EXT1: variants seen among roughly 807,000 people sequenced by gnomAD.
EXT1 encodes exostosin-1.
In EXT1, 20 loss-of-function variants were observed where a neutral mutation model predicts 82.5. The ratio of observed to expected loss-of-function variants is 0.24; its 90% confidence interval spans 0.17 to 0.35. EXT1 has a LOEUF of 0.35. Ranked by LOEUF, EXT1 falls within the 10% of genes least tolerant of loss-of-function variation. The probability of loss-of-function intolerance (pLI) is 1.00; values close to 1 mark genes in which losing one functional copy is unlikely to be tolerated. For synonymous variants in EXT1, 348 were observed against 350.8 expected, an observed-to-expected ratio of 0.99 and a Z score of 0.09; for missense variants, 757 against 936.5, an observed-to-expected ratio of 0.81 and a Z score of 2.50.
intron 1 of EXT1, among the ~76,000 whole-genome samples, chr8:117,894,086 A>C (rs1415641752): frequency 6.6e-6 from 1 of 152,116 alleles, no homozygotes; most frequent in African/African-American, 2.4e-5. Context: ...CCACTTGTTC[A>C]AGTATGTTCA....
At chr8:117,840,450 T>C (rs1812256466) in intron 1 of EXT1, among the ~76,000 whole-genome samples, 1 of 151,946 alleles carries the variant, frequency 6.6e-6, no homozygotes, top group Admixed American at 6.6e-5. Context: ...TCAACTCTAC[T>C]AAAAATACAA....
chr8:117,843,448 A>T (rs1812304281), intron 1 of EXT1, among the ~76,000 whole-genome samples: 1 of 152,184 alleles, frequency 6.6e-6, no homozygotes. Flanking sequence ...ATCTTAAAGG[A>T]TGTACAAGAA....
intron 1 of EXT1, among the ~76,000 whole-genome samples, chr8:118,108,609 C>T (rs558073010): frequency 2.0e-5 from 3 of 152,168 alleles, no homozygotes; most frequent in Non-Finnish European, 4.4e-5. Context: ...TCTTAGTCTC[C>T]GGCTTTTCTT....
intron 1 of EXT1, among the ~76,000 whole-genome samples, chr8:117,970,453 C>T (rs1320891189): frequency 2.6e-5 from 4 of 152,078 alleles, no homozygotes; most frequent in Admixed American, 6.6e-5. Flanking sequence ...CAGGTGTGTA[C>T]CACCATGCCT....
In EXT1 at chr8:117,799,675, C is replaced by A; in HGVS notation, c.*37G>T. ...GAAGAGAGAGCAGCTTGACCCCCAT[C>A]CCTTCTTGCTTCCCCTCCCCCACTC... On this transcript the variant is annotated 3_prime_UTR_variant, in exon 11 of 11. Coordinates refer to ENST00000378204, the MANE Select transcript of EXT1 (RefSeq NM_000127.3). 1 of 1,611,746 alleles carries A rather than the reference C, an allele frequency of 6.2e-7. No homozygotes were observed. The highest frequency in any genetic ancestry group is 8.5e-7 in the Non-Finnish European group (1 of 1,178,102).
intron 1 of EXT1, among the ~76,000 whole-genome samples, chr8:118,058,514 T>C (rs1677885562): frequency 2.0e-5 from 3 of 152,340 alleles, no homozygotes; most frequent in Admixed American, 2.0e-4. Flanking sequence ...ATTATTTCAC[T>C]AAATGATTAA....
intron 1 of EXT1, among the ~76,000 whole-genome samples, chr8:118,058,364 A>G (rs1264586333): frequency 6.6e-6 from 1 of 152,334 alleles, no homozygotes; most frequent in African/African-American, 2.4e-5. Flanking sequence ...ACACTTTGGC[A>G]AAGAGTGCAA....
rs17451044 is a variant in EXT1 at position 117,936,736 on chromosome 8, G to A, written c.963-99535C>T. ...CTAAAAATACAAAAATTAGCCAGGC[G>A]TGGTGGCACGCACCTGTAATCCCAG... On this transcript the variant is annotated intron_variant, in intron 1 of 10. Transcript: ENST00000378204. 7.8e-3 allele frequency among the ~76,000 whole-genome samples: 1,193 copies of A among 152,194 alleles called. 33 individuals are homozygous for A. The East Asian group carries it at 0.12, about 15-fold the overall frequency.
chr8:117,995,811 TC>T (rs1259156315), intron 1 of EXT1, among the ~76,000 whole-genome samples: 1 of 152,166 alleles, frequency 6.6e-6, no homozygotes, highest in Non-Finnish European at 1.5e-5. Flanking sequence ...ATACATGCCT[TC>T]CCAACCACCT....
intron 1 of EXT1, among the ~76,000 whole-genome samples, chr8:117,863,020 T>C (rs1444707916): frequency 6.6e-6 from 1 of 152,132 alleles, no homozygotes; most frequent in African/African-American, 2.4e-5. Context: ...GGAAGTGATA[T>C]GGTCAAAGGT....
intron 1 of EXT1, among the ~76,000 whole-genome samples, chr8:117,876,656 T>C (rs1357814469): frequency 1.3e-5 from 2 of 152,216 alleles, no homozygotes; most frequent in Non-Finnish European, 2.9e-5. Flanking sequence ...GGGCATGGCA[T>C]AGCATCTATT....
At chr8:117,923,750 C>T (rs1011152891) in intron 1 of EXT1, among the ~76,000 whole-genome samples, 2 of 151,350 alleles carry the variant, frequency 1.3e-5, no homozygotes, top group African/African-American at 2.4e-5. Context: ...AGAAGCAACA[C>T]GGAGTATAAA....
chr8:117,830,403 C>T, intron 3 of EXT1, 54 bp from the exon 4 acceptor site: 4 of 1,602,432 alleles, frequency 2.5e-6, no homozygotes, highest in Non-Finnish European at 8.5e-7. Flanking sequence ...AAGAGATGCA[C>T]TTGATCAAAA....
At chr8:118,009,698 G>A (rs1815854224) in intron 1 of EXT1, among the ~76,000 whole-genome samples, 1 of 152,176 alleles carries the variant, frequency 6.6e-6, no homozygotes, top group African/African-American at 2.4e-5. Context: ...ATAGGAGAGT[G>A]AACCCTATTG....
At chr8:117,867,684 A>G (rs950179454) in intron 1 of EXT1, among the ~76,000 whole-genome samples, 6 of 152,132 alleles carry the variant, frequency 3.9e-5, no homozygotes, top group Non-Finnish European at 7.4e-5. Context: ...ACTTCTAAAT[A>G]CCTTTTTCTC....
intron 2 of EXT1, 98 bp downstream of exon 2, chr8:117,837,010 C>A (rs1812198149): frequency 1.2e-6 from 1 of 860,338 alleles, no homozygotes; most frequent in Non-Finnish European, 2.0e-6. Context: ...GAAACCACAC[C>A]TTCTCTTTAG....
intron 1 of EXT1, among the ~76,000 whole-genome samples, chr8:118,012,429 T>C (rs959102234): frequency 1.3e-5 from 2 of 152,342 alleles, no homozygotes; most frequent in Non-Finnish European, 1.5e-5. Context: ...TAAGGCTAGA[T>C]GGAACAAGCT....
At chr8:117,865,296 T>C (rs1217342741) in intron 1 of EXT1, among the ~76,000 whole-genome samples, 1 of 152,160 alleles carries the variant, frequency 6.6e-6, no homozygotes, top group African/African-American at 2.4e-5. Context: ...GCCTCCTGAG[T>C]AGCTGGGACT....
At chr8:117,924,756 G>A (rs1481659089) in intron 1 of EXT1, among the ~76,000 whole-genome samples, 3 of 152,134 alleles carry the variant, frequency 2.0e-5, no homozygotes. Context: ...GTTTTATAAA[G>A]ATTAGGCAAA....
Sources: allele counts gnomAD v4.1 joint callset (sites outside exome capture counted in the v4.1 genomes callset), GRCh38; gene constraint gnomAD v4.1.1; transcripts MANE v1.5; gene names NCBI Gene and HGNC (gene_info 2026-07-23, HGNC 2026-07-21).